Variants in DEPTOR observed in about 807,000 individuals in gnomAD.
The protein encoded by DEPTOR is DEP domain-containing mTOR-interacting protein.
In DEPTOR, 41 loss-of-function variants were observed where a neutral mutation model predicts 41.6. The ratio of observed to expected loss-of-function variants is 0.98; its 90% CI spans 0.77 to 1.28. The LOEUF is 1.28. Among genes scored for constraint, DEPTOR ranks in the 50% most tolerant of loss-of-function variants. The pLI, the probability that DEPTOR is intolerant of heterozygous loss-of-function variation, is 0.00. For synonymous variants in DEPTOR, 195 were observed against 192.3 expected, an observed-to-expected ratio of 1.01 and a Z score of -0.12; for missense variants, 514 against 527.9, an observed-to-expected ratio of 0.97 and a Z score of 0.26.
intron 1 of DEPTOR, among the ~76,000 whole-genome samples, chr8:119,883,241 G>A (rs1023710945): frequency 6.6e-6 from 1 of 151,928 alleles, no homozygotes; most frequent in Admixed American, 6.6e-5. Flanking sequence ...TTGGGAGGCC[G>A]AGGCGGGCGG....
intron 8 of DEPTOR, among the ~76,000 whole-genome samples, chr8:120,016,012 G>C (rs111306918): frequency 6.0e-4 from 91 of 152,280 alleles, no homozygotes; most frequent in African/African-American, 1.9e-3. Context: ...GTTTCTAATG[G>C]CCTCCATTTG....
At chr8:120,012,271 C>T (rs1386949427) in intron 8 of DEPTOR, among the ~76,000 whole-genome samples, 4 of 152,058 alleles carry the variant, frequency 2.6e-5, no homozygotes, top group African/African-American at 9.7e-5. Flanking sequence ...GGTTTTAAGG[C>T]AATTTTGTCA....
intron 3 of DEPTOR, among the ~76,000 whole-genome samples, chr8:119,945,533 G>A (rs1316162863): frequency 6.6e-6 from 1 of 152,212 alleles, no homozygotes. Flanking sequence ...TACTCCATTT[G>A]CTAAAGAGTG....
chr8:119,924,502 C>A (rs1052430429), intron 1 of DEPTOR, among the ~76,000 whole-genome samples: 1 of 152,046 alleles, frequency 6.6e-6, no homozygotes, highest in African/African-American at 2.4e-5. Flanking sequence ...GTCTACTTGC[C>A]TTACCTTGCC....
chr8:120,043,202 C>T (rs1176117597), intron 8 of DEPTOR, among the ~76,000 whole-genome samples: 3 of 151,916 alleles, frequency 2.0e-5, no homozygotes, highest in African/African-American at 7.3e-5. Context: ...TGGTCTCAAA[C>T]TCATGACCTC....
At chr8:119,947,399 C>T (rs1828293542) in intron 3 of DEPTOR, among the ~76,000 whole-genome samples, 1 of 152,188 alleles carries the variant, frequency 6.6e-6, no homozygotes, top group Non-Finnish European at 1.5e-5. Flanking sequence ...ATTCCTTTCT[C>T]CTAGTCCATG....
intron 8 of DEPTOR, among the ~76,000 whole-genome samples, chr8:120,036,481 A>G (rs763771758): frequency 6.6e-6 from 1 of 152,178 alleles, no homozygotes. Context: ...CAGTCACTCC[A>G]CAGCCAGTTG....
At chr8:119,887,117 CCCCCTCCCCTCCCCCCCCCCTCCCCTCCT>C (rs1827375372) in intron 1 of DEPTOR, among the ~76,000 whole-genome samples, 2 of 12,252 alleles carry the variant, frequency 1.6e-4, no homozygotes, top group Admixed American at 1.1e-3. Flanking sequence ...CCCCTCCCCT[CCCCCTCCCCTCCCCCCCCCCTCCCCTCCT>C]CCCCTCCCCT....
intron 1 of DEPTOR, among the ~76,000 whole-genome samples, chr8:119,876,750 C>T (rs1331811974): frequency 2.0e-5 from 3 of 151,980 alleles, no homozygotes; most frequent in Non-Finnish European, 4.4e-5. Context: ...ATGTAGTAAG[C>T]ACCAGGTCAA....
At chr8:119,881,559 C>A (rs2129676086) in intron 1 of DEPTOR, among the ~76,000 whole-genome samples, 1 of 151,682 alleles carries the variant, frequency 6.6e-6, no homozygotes, top group South Asian at 2.1e-4. Context: ...GTAAAATGGG[C>A]CTTTGAACCA....
intron 3 of DEPTOR, 117 bp downstream of exon 3, chr8:119,930,055 G>C: frequency 8.0e-7 from 1 of 1,248,632 alleles, no homozygotes; most frequent in Admixed American, 2.6e-5. Flanking sequence ...TTACATAACT[G>C]TTCTTTTCCA....
chr8:120,019,261 C>T (rs1004232506), intron 8 of DEPTOR, among the ~76,000 whole-genome samples: 5 of 152,162 alleles, frequency 3.3e-5, no homozygotes, highest in Admixed American at 2.6e-4. Flanking sequence ...GCCGAGATTG[C>T]GCCACTGCAC....
At chr8:119,995,695 A>T (rs1411977423) in intron 4 of DEPTOR, among the ~76,000 whole-genome samples, 1 of 152,176 alleles carries the variant, frequency 6.6e-6, no homozygotes, top group South Asian at 2.1e-4. Context: ...GTGTGAAATG[A>T]TGTCTCTTTT....
At chr8:119,946,432 GTT>G (rs56272621) in intron 3 of DEPTOR, among the ~76,000 whole-genome samples, 13 of 140,522 alleles carry the variant, frequency 9.3e-5, no homozygotes, top group East Asian at 4.2e-4. Flanking sequence ...ATAGTGTTTG[GTT>G]TTTTTTTTTT....
chr8:119,945,841 GAC>G (rs1346542401), intron 3 of DEPTOR, among the ~76,000 whole-genome samples: 7 of 152,192 alleles, frequency 4.6e-5, no homozygotes, highest in Non-Finnish European at 8.8e-5. Context: ...AACGTTCTAA[GAC>G]ACAGACAGAG....
intron 3 of DEPTOR, among the ~76,000 whole-genome samples, chr8:119,932,767 G>A (rs953974594): frequency 6.6e-6 from 1 of 152,174 alleles, no homozygotes; most frequent in Non-Finnish European, 1.5e-5. Context: ...TAGACTTACT[G>A]AGGGTGGTGG....
At chr8:120,030,513 T>G (rs1178889214) in intron 8 of DEPTOR, among the ~76,000 whole-genome samples, 1 of 130,972 alleles carries the variant, frequency 7.6e-6, no homozygotes, top group African/African-American at 2.8e-5. Flanking sequence ...TTTTTTTTTT[T>G]TTTTTTTTTT....
intron 4 of DEPTOR, among the ~76,000 whole-genome samples, chr8:120,001,221 A>G (rs1812344998): frequency 6.6e-6 from 1 of 152,154 alleles, no homozygotes; most frequent in Non-Finnish European, 1.5e-5. Flanking sequence ...GTGAGGGTGC[A>G]GTGTTATCAG....
intron 4 of DEPTOR, among the ~76,000 whole-genome samples, chr8:119,971,966 T>G (rs1356361322): frequency 1.3e-5 from 2 of 152,196 alleles, no homozygotes; most frequent in Non-Finnish European, 2.9e-5. Context: ...GTGCACCAGG[T>G]GGGCAAGGTC....
Sources: gnomAD v4.1 joint callset for allele counts (sites outside exome capture counted in the v4.1 genomes callset) on GRCh38, gnomAD v4.1.1 for gene constraint, MANE v1.5 for transcripts, NCBI Gene and HGNC (gene_info 2026-07-23, HGNC 2026-07-21) for gene names.